The following RBFOX1 variants were observed in gnomAD, a reference collection of about 807,000 sequenced individuals.
RBFOX1 encodes RNA binding protein fox-1 homolog 1.
A neutral mutation model predicts 57.7 loss-of-function variants in RBFOX1; 8 were observed. The observed-to-expected ratio is 0.14, with a 90% CI of 0.08 to 0.25. The LOEUF (loss-of-function observed/expected upper bound fraction) is 0.25. Ranked by LOEUF, RBFOX1 falls within the 10% of genes least tolerant of loss-of-function variation. The probability of loss-of-function intolerance (pLI) is 1.00; values close to 1 mark genes in which losing one functional copy is unlikely to be tolerated. For synonymous variants in RBFOX1, 326 were observed against 222.4 expected (o/e 1.47, Z -4.15); for missense variants, 611 against 548.5 (o/e 1.11, Z -1.14).
intron 4 of RBFOX1, among the ~76,000 whole-genome samples, chr16:7,154,331 C>T (rs946270760): frequency 1.3e-5 from 2 of 152,194 alleles, no homozygotes; most frequent in African/African-American, 4.8e-5. Context: ...GGGAATCACT[C>T]ATCCATCTCT....
At chr16:6,911,862 G>T (rs9930261) in intron 3 of RBFOX1, among the ~76,000 whole-genome samples, 1 of 152,108 alleles carries the variant, frequency 6.6e-6, no homozygotes, top group Admixed American at 6.5e-5. Flanking sequence ...TTTAAGAAAA[G>T]ACGTTAACTA....
intron 4 of RBFOX1, among the ~76,000 whole-genome samples, chr16:7,450,283 A>T (rs956472590): frequency 2.0e-5 from 3 of 149,300 alleles, no homozygotes; most frequent in African/African-American, 7.4e-5. Context: ...AATCCCAGCT[A>T]CTTGGGAGGC....
At chr16:6,070,140 A>C (rs2095818024) in intron 1 of RBFOX1, among the ~76,000 whole-genome samples, 1 of 152,220 alleles carries the variant, frequency 6.6e-6, no homozygotes, top group South Asian at 2.1e-4. Flanking sequence ...TTTGACTAGT[A>C]ATAATATGAG....
At chr16:6,668,669 C>T (rs770156349) in intron 3 of RBFOX1, among the ~76,000 whole-genome samples, 8 of 152,148 alleles carry the variant, frequency 5.3e-5, no homozygotes, top group Non-Finnish European at 1.0e-4. Context: ...GTTTTGATGC[C>T]TTAATTTTAA....
chr16:7,345,781 G>A (rs767636477), intron 4 of RBFOX1, among the ~76,000 whole-genome samples: 25 of 152,068 alleles, frequency 1.6e-4, no homozygotes, highest in Admixed American at 3.3e-4. Context: ...GGTTAGAGAC[G>A]CCGTCTGCAT....
At chr16:5,881,330 G>A (rs1301193912) in intron 4 of RBFOX1, among the ~76,000 whole-genome samples, 2 of 152,184 alleles carry the variant, frequency 1.3e-5, no homozygotes, top group Non-Finnish European at 1.5e-5. Context: ...TCTCTGCCCA[G>A]TGCCTGGTTT....
chr16:7,243,791 C>T (rs1415580555), intron 4 of RBFOX1, among the ~76,000 whole-genome samples: 4 of 152,082 alleles, frequency 2.6e-5, no homozygotes, highest in African/African-American at 7.2e-5. Flanking sequence ...CTCAAGTGAT[C>T]CTCCTTGCCT....
intron 4 of RBFOX1, among the ~76,000 whole-genome samples, chr16:7,270,428 A>T (rs942375089): frequency 3.3e-5 from 5 of 152,226 alleles, no homozygotes; most frequent in Admixed American, 3.3e-4. Context: ...ATAAAGGAAG[A>T]TACCATCGGG....
intron 2 of RBFOX1, among the ~76,000 whole-genome samples, chr16:5,572,668 G>C (rs1326169952): frequency 6.6e-6 from 1 of 152,220 alleles, no homozygotes; most frequent in Non-Finnish European, 1.5e-5. Flanking sequence ...ATCTGCAGGG[G>C]AGAGAGGAAT....
At chr16:7,187,892 A>T (rs1351106601) in intron 4 of RBFOX1, among the ~76,000 whole-genome samples, 1 of 152,120 alleles carries the variant, frequency 6.6e-6, no homozygotes, top group Non-Finnish European at 1.5e-5. Context: ...TTCACCATGT[A>T]TTGTCAAGTG....
At chr16:5,702,120 C>A (rs577498251) in intron 3 of RBFOX1, among the ~76,000 whole-genome samples, 2 of 152,246 alleles carry the variant, frequency 1.3e-5, no homozygotes. Flanking sequence ...CCCATTCTCA[C>A]ACTGCTGTAA....
chr16:5,299,356 T>G (rs1442161880), intron 1 of RBFOX1, among the ~76,000 whole-genome samples: 1 of 152,226 alleles, frequency 6.6e-6, no homozygotes, highest in African/African-American at 2.4e-5. Flanking sequence ...GATAGACATT[T>G]GTTTCCAGTT....
intron 1 of RBFOX1, among the ~76,000 whole-genome samples, chr16:5,287,941 C>T (rs568899278): frequency 6.6e-5 from 10 of 152,308 alleles, no homozygotes; most frequent in African/African-American, 1.7e-4. Context: ...ACCATCAATG[C>T]AATTCAATAA....
intron 1 of RBFOX1, among the ~76,000 whole-genome samples, chr16:6,158,775 A>G (rs1308852741): frequency 6.6e-6 from 1 of 152,170 alleles, no homozygotes; most frequent in African/African-American, 2.4e-5. Context: ...CTCTACAATT[A>G]TATTGCTCTG....
intron 4 of RBFOX1, among the ~76,000 whole-genome samples, chr16:7,473,893 C>G (rs1397767928): frequency 1.3e-5 from 2 of 152,302 alleles, no homozygotes; most frequent in East Asian, 3.9e-4. Flanking sequence ...CCATCCAGCT[C>G]TCAAACTTTT....
At chr16:7,672,125 G>T in intron 13 of RBFOX1, among the ~76,000 whole-genome samples, 1 of 152,170 alleles carries the variant, frequency 6.6e-6, no homozygotes. Flanking sequence ...TCTTAGTAGA[G>T]CTGATCAGAA....
intron 3 of RBFOX1, among the ~76,000 whole-genome samples, chr16:5,774,645 T>G (rs2054088055): frequency 6.6e-6 from 1 of 152,230 alleles, no homozygotes; most frequent in Admixed American, 6.5e-5. Flanking sequence ...GGCTTTGGGA[T>G]ACCAGCAGCA....
At chr16:5,955,808 C>T (rs189172713) in intron 4 of RBFOX1, among the ~76,000 whole-genome samples, 39 of 152,298 alleles carry the variant, frequency 2.6e-4, no homozygotes, top group African/African-American at 9.1e-4. Context: ...AGCAAAGTCA[C>T]TCCCGGAAAA....
rs149192354 is a variant in RBFOX1, at chr16:7,458,586, C to T, written c.28-59561C>T. Among the ~76,000 whole-genome samples, 493 of 152,264 alleles carry T rather than the reference C, an allele frequency of 3.2e-3. 3 individuals carry two copies. The highest frequency in any genetic ancestry group is 3.8e-3 in the Non-Finnish European group (256 of 68,012). ...TACTTCCCTAGCATTCTTTCCCTTT[C>T]CTCTTGGCCCCTTTGCAAGCCCTTG... On this transcript the variant is annotated intron_variant, in intron 4 of 15. Coordinates refer to ENST00000550418, the MANE Select transcript of RBFOX1 (RefSeq NM_018723.4).
Sources: allele counts gnomAD v4.1 joint callset (sites outside exome capture counted in the v4.1 genomes callset), GRCh38; gene constraint gnomAD v4.1.1; transcripts MANE v1.5; gene names NCBI Gene and HGNC (gene_info 2026-07-23, HGNC 2026-07-21).